The following KCTD5 variants were observed in gnomAD, a reference collection of about 807,000 sequenced individuals.
The protein encoded by KCTD5 is potassium channel tetramerization domain containing 5.
A neutral mutation model predicts 27.9 loss-of-function variants in KCTD5; 12 were observed. The ratio of observed to expected loss-of-function variants is 0.43; its 90% CI spans 0.28 to 0.70. The LOEUF (loss-of-function observed/expected upper bound fraction) is 0.70, where lower values mean the gene tolerates loss of function less well. KCTD5 is among the 30% of genes least tolerant of loss of function. The pLI is 0.19. For synonymous variants in KCTD5, 147 were observed against 121.4 expected, an observed-to-expected ratio of 1.21 and a Z score of -1.39; for missense variants, 226 against 274.8, an observed-to-expected ratio of 0.82 and a Z score of 1.26.
chr16:2,685,413 C>G (rs1330453970), intron 1 of KCTD5, among the ~76,000 whole-genome samples: 4 of 151,102 alleles, frequency 2.6e-5, no homozygotes, highest in Non-Finnish European at 5.9e-5. Flanking sequence ...GGCGACAGAT[C>G]GAGACTCTGT....
intron 1 of KCTD5, among the ~76,000 whole-genome samples, chr16:2,685,026 T>C (rs988574554): frequency 6.6e-6 from 1 of 152,236 alleles, no homozygotes; most frequent in African/African-American, 2.4e-5. Context: ...TTATACTTGC[T>C]CTTTTCATCA....
intron 1 of KCTD5, chr16:2,684,697 G>C (rs1418403808): frequency 1.3e-5 from 2 of 152,060 alleles, no homozygotes; most frequent in Non-Finnish European, 2.9e-5. Context: ...CCTGGGAGGA[G>C]GAGCTTGCAG....
At chr16:2,688,757 G>A (rs1376755769) in intron 1 of KCTD5, among the ~76,000 whole-genome samples, 2 of 81,470 alleles carry the variant, frequency 2.5e-5, no homozygotes, top group East Asian at 3.1e-4. Context: ...ACAGGCCCCC[G>A]CTGAGTGGGT....
chr16:2,689,402 G>A (rs1424235272), intron 1 of KCTD5, among the ~76,000 whole-genome samples: 2 of 101,786 alleles, frequency 2.0e-5, no homozygotes, highest in Non-Finnish European at 2.0e-5. Flanking sequence ...AGATGTTGGT[G>A]CACAGGAAAT....
intron 1 of KCTD5, among the ~76,000 whole-genome samples, chr16:2,685,380 T>C (rs912950135): frequency 6.6e-5 from 10 of 151,874 alleles, no homozygotes; most frequent in Admixed American, 6.6e-4. Flanking sequence ...TGGGCTGAGG[T>C]TGCGCCACTG....
chr16:2,699,946 CCATGCT>C, intron 4 of KCTD5, 30 bp downstream of exon 4: 7 of 1,591,918 alleles, frequency 4.4e-6, no homozygotes, highest in Non-Finnish European at 6.0e-6. Context: ...CTGGTGGCAG[CCATGCT>C]GCAGCTGAAC....
intron 2 of KCTD5, 142 bp from the exon 3 acceptor site, chr16:2,697,764 G>A: frequency 1.6e-6 from 1 of 631,388 alleles, no homozygotes; most frequent in South Asian, 1.9e-5. Context: ...AAGCCTGTTA[G>A]GTCGGGGCCT....
chr16:2,693,434 A>C (rs1460856887), intron 1 of KCTD5, among the ~76,000 whole-genome samples: 1 of 152,284 alleles, frequency 6.6e-6, no homozygotes, highest in Middle Eastern at 3.4e-3. Flanking sequence ...TTTAATGGAA[A>C]AGCCAGCCCC....
chr16:2,690,270 C>G (rs1244454453), intron 1 of KCTD5, among the ~76,000 whole-genome samples: 1 of 152,232 alleles, frequency 6.6e-6, no homozygotes, highest in Non-Finnish European at 1.5e-5. Flanking sequence ...TGCCCTGGCT[C>G]GGCGCTGTCT....
At chr16:2,690,125 C>G (rs553562971) in intron 1 of KCTD5, among the ~76,000 whole-genome samples, 2 of 152,372 alleles carry the variant, frequency 1.3e-5, no homozygotes, top group East Asian at 3.9e-4. Flanking sequence ...GCAGAGCGGC[C>G]AGTCTTGTTA....
chr16:2,689,748 G>A (rs1349563729), intron 1 of KCTD5, among the ~76,000 whole-genome samples: 1 of 151,926 alleles, frequency 6.6e-6, no homozygotes, highest in African/African-American at 2.4e-5. Context: ...CACAATTTTG[G>A]CTCACTGCAA....
rs187082411 is a variant in KCTD5, at chr16:2,705,463, G to C, written c.676-1835G>C. ...GTCGTGAACCCAAGAGCCCCTCCTG[G>C]GGGCTGGGCAGGGAGTGCCACTCGT... is the stretch of plus-strand genomic sequence containing the variant. On this transcript the variant is annotated intron_variant, in intron 5 of 5. Transcript: ENST00000301738. Among the ~76,000 whole-genome samples the C allele has an allele frequency of 2.1e-3, 317 of 152,228 alleles. 1 individual carries two copies. The highest frequency in any genetic ancestry group is 7.3e-3 in the African/African-American group (304 of 41,540).
chr16:2,706,561 C>T (rs2067637023), intron 5 of KCTD5, among the ~76,000 whole-genome samples: 1 of 152,078 alleles, frequency 6.6e-6, no homozygotes, highest in South Asian at 2.1e-4. Context: ...AGCCTGTCCT[C>T]AGGGGAGCCC....
At chr16:2,689,708 T>C (rs1389000381) in intron 1 of KCTD5, among the ~76,000 whole-genome samples, 2 of 151,396 alleles carry the variant, frequency 1.3e-5, no homozygotes, top group East Asian at 3.9e-4. Context: ...AGACAGAGGC[T>C]CACTGGATCG....
intron 1 of KCTD5, among the ~76,000 whole-genome samples, chr16:2,693,346 C>G (rs1051055677): frequency 1.3e-5 from 2 of 152,254 alleles, no homozygotes; most frequent in Admixed American, 6.5e-5. Context: ...CATCACCGCA[C>G]TGGGCCAGCT....
chr16:2,691,694 G>A (rs751716551), intron 1 of KCTD5, among the ~76,000 whole-genome samples: 1 of 152,214 alleles, frequency 6.6e-6, no homozygotes, highest in African/African-American at 2.4e-5. Context: ...CGGCTGGCAG[G>A]TTCTTGGTAG....
rs1204260736 is a variant in KCTD5 at position 2,682,646 on chromosome 16, G to C, written c.98G>C (p.Gly33Ala). The C allele has an allele frequency of 8.2e-6, 13 of 1,590,242 alleles. No homozygotes were observed. Among genetic ancestry groups the C allele is most frequent in the Non-Finnish European group, 1.1e-5 (13 of 1,170,774 alleles). The change falls in exon 1 of 6, where the codon GGC (glycine) becomes GCC (alanine). Residue 33 changes from glycine to alanine, a missense_variant. Around this residue, in one of 2 missense-constraint regions of KCTD5, gnomAD observed 91 missense variants for 67.8 expected, o/e 1.34. Coordinates refer to ENST00000301738, the MANE Select transcript of KCTD5 (RefSeq NM_018992.4). ...TGCCGCCGCTGCAGCGCTGGGCTCG[G>C]CGCCCTGGCCCAGCGCCCTGGCAGC... ...GLCRRCSAGL[G>A]ALAQRPGSVS... is the part of the protein sequence containing the mutation.
intron 1 of KCTD5, among the ~76,000 whole-genome samples, chr16:2,687,967 C>T (rs1376548756): frequency 6.6e-6 from 1 of 151,968 alleles, no homozygotes; most frequent in African/African-American, 2.4e-5. Flanking sequence ...AGAGCATCTT[C>T]CTTGGAGTTG....
At chr16:2,687,093 C>T (rs944342229) in intron 1 of KCTD5, among the ~76,000 whole-genome samples, 1 of 152,204 alleles carries the variant, frequency 6.6e-6, no homozygotes, top group African/African-American at 2.4e-5. Context: ...GCTCCCCGCT[C>T]CTTCCCCACT....
Sources: gnomAD v4.1 joint callset for allele counts (sites outside exome capture counted in the v4.1 genomes callset) on GRCh38, gnomAD v4.1.1 for gene constraint, gnomAD v4.1.1 regional missense constraint, MANE v1.5 for transcripts, NCBI Gene and HGNC (gene_info 2026-07-23, HGNC 2026-07-21) for gene names.